The following PCDHGA12 variants were observed in gnomAD, a reference collection of about 807,000 sequenced individuals.
PCDHGA12 encodes protocadherin gamma-A12.
In PCDHGA12, 43 loss-of-function variants were observed where a neutral mutation model predicts 61.1. The observed-to-expected ratio is 0.70, with a 90% CI of 0.55 to 0.91. The LOEUF (loss-of-function observed/expected upper bound fraction) is 0.91. PCDHGA12 is among the 40% of genes least tolerant of loss of function. The pLI is 0.00. For synonymous variants in PCDHGA12, 520 were observed against 542.9 expected (o/e 0.96, Z 0.59); for missense variants, 1,236 against 1,227.7 (o/e 1.01, Z -0.10).
intron 1 of PCDHGA12, among the ~76,000 whole-genome samples, chr5:141,463,135 C>T (rs1352400365): frequency 6.6e-6 from 1 of 152,246 alleles, no homozygotes; most frequent in Middle Eastern, 3.4e-3. Context: ...GGCAGTTCTT[C>T]GCCCAGCTGC....
At chr5:141,438,633 TATAC>T (rs1373299550) in intron 1 of PCDHGA12, among the ~76,000 whole-genome samples, 3,683 of 33,472 alleles carry the variant, frequency 0.11, 56 homozygotes, top group Non-Finnish European at 0.14. Flanking sequence ...TATATATATA[TATAC>T]ACACACACAC....
rs1460175237 is a variant in PCDHGA12, at chr5:141,485,185, G to A, written c.2425-9622G>A. ...AGCGGGCGGCAGCAATGCTCCGCAAGGTGAGAAGCTGGACAGAAATCTGGC... is the reference window on the plus strand; with the variant it reads ...AGCGGGCGGCAGCAATGCTCCGCAAAGTGAGAAGCTGGACAGAAATCTGGC... On this transcript the variant is annotated intron_variant, in intron 1 of 3. Transcript: ENST00000252085. This position sits in a 1 kb window ranked among gnomAD's most constrained non-coding sequence, Gnocchi z 5.7. 3.1e-6 allele frequency: 5 copies of A among 1,613,528 alleles called. No individual in the cohort carries two copies. Among genetic ancestry groups the A allele is most frequent in the African/African-American group, 2.7e-5 (2 of 75,052 alleles).
rs114847835 is a variant in PCDHGA12, at chr5:141,486,500, C to T, written c.2425-8307C>T. The T allele has an allele frequency of 6.2e-6, 10 of 1,614,008 alleles. No homozygotes were observed. The East Asian group carries it at 1.8e-4, about 29-fold the overall frequency. On this transcript the variant is annotated intron_variant, in intron 1 of 3. Coordinates refer to ENST00000252085, the MANE Select transcript of PCDHGA12 (RefSeq NM_003735.3). This position sits in a 1 kb window ranked among gnomAD's most constrained non-coding sequence, Gnocchi z 5.0. ...TCTCAGTACCCACAGAACTATTTTCCTCAATATTTCAGATGTGAATGATAA... is the reference window on the plus strand; with the variant it reads ...TCTCAGTACCCACAGAACTATTTTCTTCAATATTTCAGATGTGAATGATAA...
chr5:141,449,876 C>G (rs924666805), intron 1 of PCDHGA12, among the ~76,000 whole-genome samples: 2 of 151,724 alleles, frequency 1.3e-5, no homozygotes, highest in Non-Finnish European at 2.9e-5. Flanking sequence ...AATTTAACAT[C>G]AATGCAATAT....
At chr5:141,480,398 G>C (rs2099518275) in intron 1 of PCDHGA12, among the ~76,000 whole-genome samples, 1 of 149,050 alleles carries the variant, frequency 6.7e-6, no homozygotes, top group Non-Finnish European at 1.5e-5. Context: ...CATGGCAATA[G>C]AGTGAGACCC....
chr5:141,509,155 C>G (rs981661695), intron 3 of PCDHGA12, among the ~76,000 whole-genome samples: 3 of 152,202 alleles, frequency 2.0e-5, no homozygotes, highest in Non-Finnish European at 4.4e-5. Flanking sequence ...GCTCTCCCCT[C>G]CCGTGTGCCC....
In PCDHGA12 at chr5:141,476,343, T is replaced by A; in HGVS notation, c.2425-18464T>A. 1 of 1,614,012 alleles carries A rather than the reference T, an allele frequency of 6.2e-7. No individual in the cohort carries two copies. The highest frequency in any genetic ancestry group is 1.3e-5 in the African/African-American group (1 of 74,984). ...GTGGTGTCTGGAGCTAGCCGAAGAT[T>A]CTTTGAGGTGAACCGGGAGACCGGA... On this transcript the variant is annotated intron_variant, in intron 1 of 3. Transcript: ENST00000252085. This position sits in a 1 kb window ranked among gnomAD's most constrained non-coding sequence, Gnocchi z 7.6.
rs1688094877 is a variant in PCDHGA12 at position 141,432,625 on chromosome 5, C to T, written c.1866C>T (p.His622=). 1.2e-6 allele frequency: 2 copies of T among 1,613,240 alleles called. No individual in the cohort carries two copies. The highest frequency in any genetic ancestry group is 1.7e-6 in the Non-Finnish European group (2 of 1,179,778). ...SEPGLFSVGL[H]TGEVRTARAL... ...CGGGACTCTTCTCGGTGGGTCTGCA[C>T]ACGGGCGAGGTGCGCACGGCGCGAG... The change falls in exon 1 of 4, where the codon CAC becomes CAT. Residue 622 remains histidine, a synonymous_variant. Coordinates refer to ENST00000252085, the MANE Select transcript of PCDHGA12 (RefSeq NM_003735.3). The surrounding 1 kb of genome is among the most constrained non-coding windows in gnomAD (Gnocchi z 6.0).
chr5:141,472,980 C>CAAAAAAAAAAAAAAAAAAGAAAAAAAA (rs60579131), intron 1 of PCDHGA12, among the ~76,000 whole-genome samples: 1 of 86,106 alleles, frequency 1.2e-5, no homozygotes, highest in Non-Finnish European at 2.5e-5. Flanking sequence ...GAGTGAAACT[C>CAAAAAAAAAAAAAAAAAAGAAAAAAAA]AAAAAAAAAA....
chr5:141,430,589 G>A lies in PCDHGA12; in HGVS notation c.-171G>A. The A allele has an allele frequency of 1.9e-6, 1 of 529,266 alleles. No individual in the cohort carries two copies. The highest frequency in any genetic ancestry group is 3.1e-6 in the Non-Finnish European group (1 of 327,656). The allele number at this position is 529,266 out of a possible 1,614,324, so 32.8% of individuals were successfully genotyped here. Reference sequence around the variant, plus strand: ...GAAAAGCGGAGATCCTGCTCGCCTTGCACGCGCCTGAAGCACAAAGCAGAT... The same window carrying A: ...GAAAAGCGGAGATCCTGCTCGCCTTACACGCGCCTGAAGCACAAAGCAGAT... On this transcript the variant is annotated 5_prime_UTR_variant, in exon 1 of 4. Coordinates refer to ENST00000252085, the MANE Select transcript of PCDHGA12 (RefSeq NM_003735.3).
rs2099391747 is a variant in PCDHGA12 at position 141,476,440 on chromosome 5, G to A, written c.2425-18367G>A. Reference sequence around the variant, plus strand: ...CACTGCCCTCTTGCACTGTAACTCTGGAGTTGGTAGTGGAGAACCCGCTGG... The same window carrying A: ...CACTGCCCTCTTGCACTGTAACTCTAGAGTTGGTAGTGGAGAACCCGCTGG... On this transcript the variant is annotated intron_variant, in intron 1 of 3. Transcript: ENST00000252085. The surrounding 1 kb of genome is among the most constrained non-coding windows in gnomAD (Gnocchi z 7.6). 1.2e-6 allele frequency: 2 copies of A among 1,613,998 alleles called. No individual in the cohort carries two copies. Among genetic ancestry groups the A allele is most frequent in the African/African-American group, 2.7e-5 (2 of 74,902 alleles).
Position 141,431,145 on chromosome 5 carries a change from A to G in PCDHGA12, c.386A>G (p.Asn129Ser). The G allele has an allele frequency of 1.2e-6, 2 of 1,614,244 alleles. No homozygotes were observed. Among genetic ancestry groups the G allele is most frequent in the Non-Finnish European group, 1.7e-6 (2 of 1,180,042 alleles). The change falls in exon 1 of 4, where the codon AAT (asparagine) becomes AGT (serine). Residue 129 changes from asparagine (N) to serine (S), a missense_variant. Transcript: ENST00000252085. The surrounding 1 kb of genome is among the most constrained non-coding windows in gnomAD (Gnocchi z 4.8). ...GTAGAAGTAAGGGACATTAACGACA[A>G]TGCGCCTTACTTTCGTGAAAGTGAA... is the stretch of plus-strand genomic sequence containing the variant. Reference protein sequence around the residue: ...VEVEVRDINDNAPYFRESELE... With the variant: ...VEVEVRDINDSAPYFRESELE...
chr5:141,438,623 TATATATATATATACACAC>T (rs1435936123), intron 1 of PCDHGA12, among the ~76,000 whole-genome samples: 532 of 42,826 alleles, frequency 0.012, 5 homozygotes, highest in African/African-American at 0.075. Flanking sequence ...TATATATATA[TATATATATATATACACAC>T]ACACACACAC....
chr5:141,474,721 A>T (rs942537231), intron 1 of PCDHGA12, among the ~76,000 whole-genome samples: 10 of 152,214 alleles, frequency 6.6e-5, no homozygotes, highest in African/African-American at 1.7e-4. Flanking sequence ...CTTCAAAAGG[A>T]CTCTATGCAA....
At chr5:141,478,513 G>A in intron 1 of PCDHGA12, 1 of 1,611,520 alleles carries the variant, frequency 6.2e-7, no homozygotes. Context: ...TCTATAGGCA[G>A]GTGTTGGGTG....
intron 2 of PCDHGA12, among the ~76,000 whole-genome samples, chr5:141,503,797 G>A (rs2099831309): frequency 6.6e-6 from 1 of 152,006 alleles, no homozygotes; most frequent in South Asian, 2.1e-4. Context: ...ATCTACTTAG[G>A]GACGGGGAAT....
At position 141,490,874 on chromosome 5, in the gene PCDHGA12, A is replaced by T. The variant is rs368927472; in HGVS notation, c.2425-3933A>T. 2 of 1,613,948 alleles carry T rather than the reference A, an allele frequency of 1.2e-6. No homozygotes were observed. Among genetic ancestry groups the T allele is most frequent in the Non-Finnish European group, 1.7e-6 (2 of 1,179,952 alleles). On this transcript the variant is annotated intron_variant, in intron 1 of 3. Transcript: ENST00000252085. The surrounding 1 kb of genome is among the most constrained non-coding windows in gnomAD (Gnocchi z 5.4). The stretch of plus-strand genomic sequence containing the variant: ...CGAGACTCCGGCTCTCCCCCATTGC[A>T]TGCCAACACATCTCTGCATGTGTTT...
Position 141,432,123 on chromosome 5 carries a change from C to G in PCDHGA12, c.1364C>G (p.Ala455Gly), listed in dbSNP as rs1224794803. Residue 455 changes from alanine (A) to glycine (G), a missense_variant, in exon 1 of 4, where the codon GCC (alanine) becomes GGC (glycine). Ala to Gly is a moderately conservative substitution (Grantham distance 60). Transcript: ENST00000252085. This position sits in a 1 kb window ranked among gnomAD's most constrained non-coding sequence, Gnocchi z 6.0. ...GACAACCCGCCGGTCTTCCCTCAGG[C>G]CTCCTATTCCGCTTATATCCCAGAG... Reference protein sequence around the residue: ...TNDNPPVFPQASYSAYIPENN... With the variant: ...TNDNPPVFPQGSYSAYIPENN... 1 of 1,614,172 alleles carries G rather than the reference C, an allele frequency of 6.2e-7. No homozygotes were observed. Among genetic ancestry groups the G allele is most frequent in the Admixed American group, 1.7e-5 (1 of 60,022 alleles).
In PCDHGA12 at chr5:141,459,764, A is replaced by G. The variant is rs980972909; in HGVS notation, c.2424+26581A>G. On this transcript the variant is annotated intron_variant, in intron 1 of 3. Transcript: ENST00000252085. ...TTTTAGCAATTCTAGTGGGTGTGTG[A>G]TACTATCTCATTGAAGTTTCAACTG... Among the ~76,000 whole-genome samples, 56 of 152,208 alleles carry G rather than the reference A, an allele frequency of 3.7e-4. 1 individual carries two copies. Among genetic ancestry groups the G allele is most frequent in the Admixed American group, 6.5e-5 (1 of 15,274 alleles).
Sources: allele counts gnomAD v4.1 joint callset (sites outside exome capture counted in the v4.1 genomes callset), GRCh38; gene constraint gnomAD v4.1.1; non-coding constraint Gnocchi (gnomAD v3.1); transcripts MANE v1.5; gene names NCBI Gene and HGNC (gene_info 2026-07-23, HGNC 2026-07-21).